Variants in ZNF567 observed in about 807,000 individuals in gnomAD.
ZNF567 encodes the protein zinc finger protein 567.
ZNF567 carries 36 observed loss-of-function variants against 53.9 expected under a neutral mutation model. That is an observed-to-expected ratio of 0.67 (90% CI 0.51 to 0.88). The LOEUF is 0.88. Among genes scored for constraint, ZNF567 ranks in the 40% least tolerant of loss-of-function variants. The pLI, the probability that ZNF567 is intolerant of heterozygous loss-of-function variation, is 0.00. For synonymous variants in ZNF567, 224 were observed against 260.4 expected (o/e 0.86, Z 1.35); for missense variants, 619 against 764.7 (o/e 0.81, Z 2.25).
chr19:36,697,738 C>G (rs1313245702), intron 3 of ZNF567, among the ~76,000 whole-genome samples: 2 of 151,426 alleles, frequency 1.3e-5, no homozygotes, highest in African/African-American at 4.9e-5. Flanking sequence ...CAGCCTCCCA[C>G]GTAGCTGGGA....
downstream of ZNF567, chr19:36,727,014 T>TCTTTCTTTCTTTCTTTCCTTTTCTTC (rs2040338264): frequency 8.6e-5 from 2 of 23,370 alleles, no homozygotes; most frequent in Non-Finnish European, 1.6e-4. Context: ...TTCTTTCCTT[T>TCTTTCTTTCTTTCTTTCCTTTTCTTC]TTTTTTTTCC....
Position 36,720,650 on chromosome 19 carries a change from A to G in ZNF567, c.1926A>G (p.Glu642=). 6.5e-7 allele frequency: 1 copy of G among 1,541,080 alleles called. No individual in the cohort carries two copies. Among genetic ancestry groups the G allele is most frequent in the South Asian group, 1.3e-5 (1 of 77,610 alleles). The change falls in exon 6 of 6, where the codon GAA becomes GAG. Residue 642 remains glutamate (E), a synonymous_variant. Transcript: ENST00000682579. ...LIVHQRTHKG[E]NIEMQ ...TCCATCAAAGAACTCACAAGGGAGAAAACATTGAAATGCAATAAATGATGT... is the reference window on the plus strand; with the variant it reads ...TCCATCAAAGAACTCACAAGGGAGAGAACATTGAAATGCAATAAATGATGT...
intron 3 of ZNF567, among the ~76,000 whole-genome samples, chr19:36,705,500 G>A (rs2039445342): frequency 6.6e-6 from 1 of 152,092 alleles, no homozygotes; most frequent in African/African-American, 2.4e-5. Context: ...ATAGCTTCCT[G>A]TAACTGGTTC....
chr19:36,673,042 G>T, the ZNF567 span, among the ~76,000 whole-genome samples: 2 of 151,916 alleles, frequency 1.3e-5, no homozygotes, highest in Non-Finnish European at 2.9e-5. Context: ...TCTTTATCAT[G>T]TACAGTATGA....
In ZNF567 at chr19:36,720,514, G is replaced by A. The variant is rs2040264075; in HGVS notation, c.1790G>A (p.Cys597Tyr). ...TATAAATGTAGTGAATGTGGAAAGTGCTTCCGCCAGAAGACAAATCTTATT... is the reference window on the plus strand; with the variant it reads ...TATAAATGTAGTGAATGTGGAAAGTACTTCCGCCAGAAGACAAATCTTATT... ...KPYKCSECGK[C>Y]FRQKTNLIVH... is the part of the protein sequence containing the mutation. The change falls in exon 6 of 6, where the codon TGC (cysteine) becomes TAC (tyrosine). Residue 597 changes from cysteine to tyrosine, a missense_variant. Coordinates refer to ENST00000682579, the MANE Select transcript of ZNF567 (RefSeq NM_001322917.1). The A allele has an allele frequency of 6.2e-7, 1 of 1,602,620 alleles. No individual in the cohort carries two copies. The highest frequency in any genetic ancestry group is 1.4e-5 in the African/African-American group (1 of 74,048).
At chr19:36,701,814 T>C (rs1266477865) in intron 3 of ZNF567, among the ~76,000 whole-genome samples, 1 of 143,200 alleles carries the variant, frequency 7.0e-6, no homozygotes, top group Non-Finnish European at 1.5e-5. Context: ...TGAGCCTATG[T>C]GTGTCTCTGC....
Position 36,694,822 on chromosome 19 carries a change from A to C in ZNF567, c.-46A>C. On this transcript the variant is annotated 5_prime_UTR_variant, in exon 3 of 6. Coordinates refer to ENST00000682579, the MANE Select transcript of ZNF567 (RefSeq NM_001322917.1). Reference sequence around the variant, plus strand: ...CTTAGGAACTGCCTCTTTTCTAAAGAGGACTCCAAAGGAAGGACTGGTCAT... The same window carrying C: ...CTTAGGAACTGCCTCTTTTCTAAAGCGGACTCCAAAGGAAGGACTGGTCAT... 1 of 1,509,640 alleles carries C rather than the reference A, an allele frequency of 6.6e-7. No homozygotes were observed. The highest frequency in any genetic ancestry group is 8.8e-7 in the Non-Finnish European group (1 of 1,139,144). 93.5% of individuals were successfully genotyped at this position (1,509,640 alleles called of 1,614,324 possible).
At chr19:36,712,939 C>A in intron 5 of ZNF567, 72 bp downstream of exon 5, 16 of 1,197,858 alleles carry the variant, frequency 1.3e-5, no homozygotes, top group Non-Finnish European at 1.9e-5. Flanking sequence ...GGGGGTGATA[C>A]CTTTGAAATG....
chr19:36,703,408 C>T (rs2039317746), intron 3 of ZNF567, among the ~76,000 whole-genome samples: 1 of 152,118 alleles, frequency 6.6e-6, no homozygotes, highest in South Asian at 2.1e-4. Context: ...GGCAGTCTGC[C>T]CGTTCTCAGA....
intron 5 of ZNF567, among the ~76,000 whole-genome samples, chr19:36,718,512 A>T (rs554677832): frequency 1.1e-3 from 168 of 152,020 alleles, no homozygotes; most frequent in African/African-American, 3.9e-3. Context: ...AAAAAATAAT[A>T]ATAATTATTA....
chr19:36,720,740 G>A lies in ZNF567; in HGVS notation c.*72G>A. 7.6e-7 allele frequency: 1 copy of A among 1,323,540 alleles called. No individual in the cohort carries two copies. The highest frequency in any genetic ancestry group is 1.0e-6 in the Non-Finnish European group (1 of 985,866). 82.0% of individuals were successfully genotyped at this position (1,323,540 alleles called of 1,614,324 possible). On this transcript the variant is annotated 3_prime_UTR_variant, in exon 6 of 6. Transcript: ENST00000682579. The stretch of plus-strand genomic sequence containing the variant: ...TTAGTTTTAAAAAGAAAAGCATGCT[G>A]AAACATGTTAATGTAATTTTAAATC...
downstream of ZNF567, among the ~76,000 whole-genome samples, chr19:36,724,069 C>T (rs1426844921): frequency 3.6e-5 from 5 of 137,576 alleles, no homozygotes; most frequent in Admixed American, 7.9e-5. Flanking sequence ...TGCAATGGTG[C>T]GATCTCGGCT....
chr19:36,698,678 A>G (rs1232938652), intron 3 of ZNF567, among the ~76,000 whole-genome samples: 1 of 151,884 alleles, frequency 6.6e-6, no homozygotes, highest in African/African-American at 2.4e-5. Flanking sequence ...ATGGCCAGTG[A>G]TGATGAGCAT....
At chr19:36,676,055 C>CTTT in the ZNF567 span, among the ~76,000 whole-genome samples, 105 of 60,614 alleles carry the variant, frequency 1.7e-3, 23 homozygotes, top group African/African-American at 3.1e-3. Context: ...TATTCTACAC[C>CTTT]TTTTTTTTTT....
At chr19:36,670,803 C>G in the ZNF567 span, among the ~76,000 whole-genome samples, 5 of 152,072 alleles carry the variant, frequency 3.3e-5, no homozygotes, top group Non-Finnish European at 7.3e-5. Context: ...CTTTTCCTTC[C>G]ACGAGATACT....
At chr19:36,726,968 CTTTCTTTCTTTCTT>C (rs979097947), downstream of ZNF567, 101 of 129,832 alleles carry the variant, frequency 7.8e-4, 1 homozygote, top group African/African-American at 2.9e-3. Flanking sequence ...GAGTTTCTTT[CTTTCTTTCTTTCTT>C]TTTCTTTCTT....
At chr19:36,667,477 G>A in the ZNF567 span, among the ~76,000 whole-genome samples, 2 of 151,962 alleles carry the variant, frequency 1.3e-5, no homozygotes, top group South Asian at 4.2e-4. Flanking sequence ...ACTCCAGCCT[G>A]GGCGACAGAG....
chr19:36,718,927 A>G, intron 5 of ZNF567, 21 bp from the exon 6 acceptor site: 2 of 1,520,784 alleles, frequency 1.3e-6, no homozygotes, highest in Non-Finnish European at 8.8e-7. Flanking sequence ...ACAAATTGTT[A>G]TCAATTATAT....
In ZNF567 at chr19:36,719,667, G is replaced by A. The variant is rs2040223253; in HGVS notation, c.943G>A (p.Gly315Ser). Residue 315 changes from glycine (G) to serine (S), a missense_variant, in exon 6 of 6, where the codon GGT becomes AGT. By Grantham distance (56) the Gly-to-Ser change is moderately conservative (BLOSUM62 0). Transcript: ENST00000682579. ...GAAACCCTTTGTTTGCAATGAATGT[G>A]GTAAGTCCTTCCGCCTCAAGACAGC... Reference protein sequence around the residue: ...GEKPFVCNECGKSFRLKTALT... With the variant: ...GEKPFVCNECSKSFRLKTALT... 2 of 1,614,088 alleles carry A rather than the reference G, an allele frequency of 1.2e-6. No homozygotes were observed. The highest frequency in any genetic ancestry group is 1.7e-6 in the Non-Finnish European group (2 of 1,180,012).
Sources: gnomAD v4.1 joint callset for allele counts (sites outside exome capture counted in the v4.1 genomes callset) on GRCh38, gnomAD v4.1.1 for gene constraint, MANE v1.5 for transcripts, NCBI Gene and HGNC (gene_info 2026-07-23, HGNC 2026-07-21) for gene names.